Variants in DSTYK observed in about 807,000 individuals in gnomAD.
DSTYK encodes RIP-homologous kinase.
Under a neutral mutation model 98.7 loss-of-function variants are expected in DSTYK, and 34 were observed. The ratio of observed to expected loss-of-function variants is 0.34; its 90% CI spans 0.26 to 0.46. DSTYK has a LOEUF of 0.46. DSTYK is among the 20% of genes least tolerant of loss of function. DSTYK has a pLI of 1.00. For missense variants in DSTYK, 962 were observed against 1,181.7 expected (o/e 0.81, Z 2.73); for synonymous variants, 462 against 457.3 (o/e 1.01, Z -0.13).
In DSTYK at chr1:205,162,025, T is replaced by G. The variant is rs1657738811; in HGVS notation, c.1818+11A>C. The G allele has an allele frequency of 6.2e-7, 1 of 1,611,278 alleles. No homozygotes were observed. ...CTTGATCCAGCTGTATCTCCTTTCC[T>G]ACATACCAACCTGCCGCAAGGAGGC... is the stretch of plus-strand genomic sequence containing the variant. On this transcript the variant is annotated intron_variant, in intron 6 of 12. Transcript: ENST00000367162.
intron 2 of DSTYK, among the ~76,000 whole-genome samples, chr1:205,179,584 G>A (rs539232080): frequency 6.7e-6 from 1 of 148,942 alleles, no homozygotes; most frequent in Non-Finnish European, 1.5e-5. Flanking sequence ...TCGCGCCACT[G>A]CACTCCAGCC....
intron 1 of DSTYK, among the ~76,000 whole-genome samples, chr1:205,192,221 T>C (rs569670061): frequency 2.4e-4 from 36 of 152,206 alleles, no homozygotes; most frequent in Non-Finnish European, 4.1e-4. Flanking sequence ...CAAGGACTAT[T>C]ATTAACTCCA....
chr1:205,202,163 C>T (rs1024689909), intron 1 of DSTYK: 1 of 546,446 alleles, frequency 1.8e-6, no homozygotes, highest in Non-Finnish European at 3.7e-6. Flanking sequence ...GGCTTCTTCC[C>T]CTACGTGGCC....
chr1:205,149,411 A>AG (rs1236734449), intron 11 of DSTYK, among the ~76,000 whole-genome samples: 1 of 152,190 alleles, frequency 6.6e-6, no homozygotes, highest in South Asian at 2.1e-4. Flanking sequence ...ATGACTGACC[A>AG]GGGACTACCT....
chr1:205,180,256 C>T (rs1175658439), intron 2 of DSTYK, among the ~76,000 whole-genome samples: 1 of 152,060 alleles, frequency 6.6e-6, no homozygotes, highest in Non-Finnish European at 1.5e-5. Context: ...AATACTCTCC[C>T]TCCCCTTTCC....
chr1:205,150,626 C>T lies in DSTYK; in HGVS notation c.2467+54G>A, dbSNP rs1657373737. The T allele has an allele frequency of 9.3e-6, 13 of 1,403,152 alleles. No individual in the cohort carries two copies. The highest frequency in any genetic ancestry group is 1.2e-5 in the Non-Finnish European group (12 of 997,204). 86.9% of individuals were successfully genotyped at this position (1,403,152 alleles called of 1,614,324 possible). On this transcript the variant is annotated intron_variant, in intron 11 of 12. Transcript: ENST00000367162. This position sits in a 1 kb window ranked among gnomAD's most constrained non-coding sequence, Gnocchi z 4.1. ...GGAAACGAGCTCAAGGGGTAGCACTCAGGATTAAAGTAGTACGCCCTGCCC... is the reference window on the plus strand; with the variant it reads ...GGAAACGAGCTCAAGGGGTAGCACTTAGGATTAAAGTAGTACGCCCTGCCC...
rs1574738593 is a variant in DSTYK, at chr1:205,144,453, C to G, written c.*3105G>C. 6.6e-6 allele frequency: 1 copy of G among 152,596 alleles called. No individual in the cohort carries two copies. The highest frequency in any genetic ancestry group is 2.1e-4 in the South Asian group (1 of 4,828). 9.5% of individuals were successfully genotyped at this position (152,596 alleles called of 1,614,324 possible). On this transcript the variant is annotated 3_prime_UTR_variant, in exon 13 of 13. Transcript: ENST00000367162. Reference sequence around the variant, plus strand: ...AGTGCTGCCAGACTTCTTTGAAAACCTAGTGTCCTCCCAAGTAATATACAA... The same window carrying G: ...AGTGCTGCCAGACTTCTTTGAAAACGTAGTGTCCTCCCAAGTAATATACAA...
chr1:205,195,193 A>T (rs1214212855), intron 1 of DSTYK, among the ~76,000 whole-genome samples: 1 of 152,112 alleles, frequency 6.6e-6, no homozygotes, highest in Non-Finnish European at 1.5e-5. Flanking sequence ...TCCCCTCTGA[A>T]AGTGAATGAA....
intron 1 of DSTYK, among the ~76,000 whole-genome samples, chr1:205,188,661 T>C (rs529058756): frequency 6.6e-6 from 1 of 152,350 alleles, no homozygotes; most frequent in African/African-American, 2.4e-5. Flanking sequence ...CATTGTGACA[T>C]ATTTTACTAC....
intron 2 of DSTYK, among the ~76,000 whole-genome samples, chr1:205,184,905 A>G (rs1322543641): frequency 6.6e-6 from 1 of 152,114 alleles, no homozygotes; most frequent in Admixed American, 6.6e-5. Flanking sequence ...ATTTAAACCA[A>G]TAAAATGAAG....
chr1:205,173,602 T>A (rs185841730), intron 2 of DSTYK, among the ~76,000 whole-genome samples: 323 of 152,302 alleles, frequency 2.1e-3, no homozygotes, highest in African/African-American at 7.0e-3. Context: ...GTTTGTTTTT[T>A]CTGATGGATT....
At chr1:205,181,701 G>A (rs535273555) in intron 2 of DSTYK, among the ~76,000 whole-genome samples, 15 of 121,342 alleles carry the variant, frequency 1.2e-4, no homozygotes, top group South Asian at 4.8e-4. Flanking sequence ...TGTGTGTGGC[G>A]GGGCAGGGGT....
chr1:205,151,162 AG>A (rs967973562), intron 10 of DSTYK, among the ~76,000 whole-genome samples: 1 of 152,220 alleles, frequency 6.6e-6, no homozygotes, highest in African/African-American at 2.4e-5. Flanking sequence ...ATACCTGTAG[AG>A]GGCATTTACA....
chr1:205,168,883 G>C (rs1307722302), intron 3 of DSTYK, among the ~76,000 whole-genome samples: 1 of 152,168 alleles, frequency 6.6e-6, no homozygotes, highest in Non-Finnish European at 1.5e-5. Flanking sequence ...GGTTGAGGGG[G>C]TACAGGCAGA....
Position 205,150,809 on chromosome 1 carries a change from G to C in DSTYK, c.2353-15C>G, listed in dbSNP as rs753234841. On this transcript the variant is annotated splice_polypyrimidine_tract_variant and intron_variant, in intron 10 of 12. Transcript: ENST00000367162. This position sits in a 1 kb window ranked among gnomAD's most constrained non-coding sequence, Gnocchi z 4.1. ...TGCTTATCCAGCTGCCAACAAAGCA[G>C]GGCAAGAGTCACCTTGTTTCTGATC... 2.5e-6 allele frequency: 4 copies of C among 1,607,132 alleles called. No individual in the cohort carries two copies. The highest frequency in any genetic ancestry group is 3.4e-6 in the Non-Finnish European group (4 of 1,173,708).
intron 2 of DSTYK, among the ~76,000 whole-genome samples, chr1:205,175,477 T>A (rs748905321): frequency 6.6e-6 from 1 of 152,230 alleles, no homozygotes; most frequent in African/African-American, 2.4e-5. Flanking sequence ...CCTTCCCCAG[T>A]TGACCAACAT....
At chr1:205,177,989 G>A (rs1658281435) in intron 2 of DSTYK, among the ~76,000 whole-genome samples, 3 of 152,116 alleles carry the variant, frequency 2.0e-5, no homozygotes, top group Admixed American at 6.6e-5. Flanking sequence ...AAAGAAACTG[G>A]GATCAATGTG....
At chr1:205,198,391 A>C (rs557431163) in intron 1 of DSTYK, among the ~76,000 whole-genome samples, 3 of 152,204 alleles carry the variant, frequency 2.0e-5, no homozygotes, top group African/African-American at 7.2e-5. Flanking sequence ...TCCATGGGAC[A>C]GAACCAGAAG....
At chr1:205,161,822 T>G (rs1490068092) in intron 6 of DSTYK, among the ~76,000 whole-genome samples, 2 of 152,102 alleles carry the variant, frequency 1.3e-5, no homozygotes, top group Non-Finnish European at 2.9e-5. Context: ...CATGAAAAAT[T>G]TATTGAAAAA....
Sources: gnomAD v4.1 joint callset for allele counts (sites outside exome capture counted in the v4.1 genomes callset) on GRCh38, gnomAD v4.1.1 for gene constraint, Gnocchi (gnomAD v3.1) non-coding constraint, MANE v1.5 for transcripts, NCBI Gene and HGNC (gene_info 2026-07-23, HGNC 2026-07-21) for gene names.